MACROD2: variants seen among roughly 807,000 people sequenced by gnomAD.
The protein encoded by MACROD2 is mono-ADP ribosylhydrolase 2.
A neutral mutation model predicts 70.4 loss-of-function variants in MACROD2; 36 were observed. The observed-to-expected ratio is 0.51, with a 90% CI of 0.39 to 0.68. MACROD2 has a LOEUF of 0.68. Ranked by LOEUF, MACROD2 falls within the 30% of genes least tolerant of loss-of-function variation. The probability of loss-of-function intolerance (pLI) is 0.00; values close to 1 mark genes in which losing one functional copy is unlikely to be tolerated. For synonymous variants in MACROD2, 172 were observed against 178.8 expected, an observed-to-expected ratio of 0.96 and a Z score of 0.30; for missense variants, 496 against 538.4, an observed-to-expected ratio of 0.92 and a Z score of 0.78.
intron 6 of MACROD2, among the ~76,000 whole-genome samples, chr20:15,280,100 C>T (rs896003968): frequency 6.6e-6 from 1 of 152,168 alleles, no homozygotes; most frequent in Non-Finnish European, 1.5e-5. Context: ...TAAAATGTGT[C>T]AGTGTTAACT....
At chr20:15,623,717 T>TATCG (rs745485042) in intron 8 of MACROD2, among the ~76,000 whole-genome samples, 2 of 150,482 alleles carry the variant, frequency 1.3e-5, no homozygotes, top group Admixed American at 6.6e-5. Context: ...TCTATCTATC[T>TATCG]ATCGATGTGT....
intron 6 of MACROD2, among the ~76,000 whole-genome samples, chr20:15,357,798 C>CTTT (rs200860242): frequency 1.5e-4 from 21 of 135,698 alleles, no homozygotes; most frequent in African/African-American, 2.8e-4. Context: ...TTCATTCATT[C>CTTT]TTTTTTTTTT....
intron 3 of MACROD2, among the ~76,000 whole-genome samples, chr20:14,442,865 A>G (rs941874821): frequency 6.6e-6 from 1 of 152,088 alleles, no homozygotes; most frequent in African/African-American, 2.4e-5. Context: ...TCATGAGGTC[A>G]GGAGATCGAG....
At chr20:14,421,646 C>T (rs191714764) in intron 3 of MACROD2, among the ~76,000 whole-genome samples, 29 of 152,074 alleles carry the variant, frequency 1.9e-4, no homozygotes, top group African/African-American at 6.5e-4. Context: ...TTTATTTTGT[C>T]ATTTATTATT....
chr20:14,079,753 G>A (rs2053964980), intron 2 of MACROD2, among the ~76,000 whole-genome samples: 1 of 152,206 alleles, frequency 6.6e-6, no homozygotes, highest in Non-Finnish European at 1.5e-5. Context: ...GATACGTCCA[G>A]ACAGTTTTAA....
chr20:15,063,237 A>G (rs777771876), intron 5 of MACROD2, among the ~76,000 whole-genome samples: 1 of 152,162 alleles, frequency 6.6e-6, no homozygotes, highest in Non-Finnish European at 1.5e-5. Flanking sequence ...GGGAACTGCA[A>G]ATTGCAATGT....
intron 5 of MACROD2, among the ~76,000 whole-genome samples, chr20:15,112,552 A>G (rs1307687134): frequency 6.6e-6 from 1 of 152,192 alleles, no homozygotes; most frequent in Non-Finnish European, 1.5e-5. Flanking sequence ...GTGAGATCGT[A>G]CAACTAAGAA....
intron 5 of MACROD2, among the ~76,000 whole-genome samples, chr20:14,943,225 G>A (rs1284233441): frequency 6.6e-6 from 1 of 152,078 alleles, no homozygotes; most frequent in Non-Finnish European, 1.5e-5. Context: ...AGAGAGACAG[G>A]GTTGCAGGCA....
intron 5 of MACROD2, among the ~76,000 whole-genome samples, chr20:15,182,246 A>G (rs2076505814): frequency 6.6e-6 from 1 of 152,164 alleles, no homozygotes; most frequent in South Asian, 2.1e-4. Context: ...GGGGGATAAG[A>G]ATAGTGGAGA....
intron 5 of MACROD2, among the ~76,000 whole-genome samples, chr20:14,806,523 C>T (rs112120498): frequency 6.6e-6 from 1 of 152,040 alleles, no homozygotes; most frequent in African/African-American, 2.4e-5. Flanking sequence ...TGTTTGGGCA[C>T]ACATCAAGCT....
chr20:14,727,588 T>A (rs576004685), intron 5 of MACROD2, among the ~76,000 whole-genome samples: 1 of 152,208 alleles, frequency 6.6e-6, no homozygotes, highest in African/African-American at 2.4e-5. Flanking sequence ...ACTTTATCAC[T>A]CCCCAAATGT....
chr20:15,064,913 A>G (rs1485724423), intron 5 of MACROD2, among the ~76,000 whole-genome samples: 1 of 152,244 alleles, frequency 6.6e-6, no homozygotes, highest in Non-Finnish European at 1.5e-5. Flanking sequence ...AAGTGTGAGC[A>G]CAGATCTTGA....
chr20:15,214,099 C>T (rs1304391006), intron 5 of MACROD2, among the ~76,000 whole-genome samples: 1 of 152,124 alleles, frequency 6.6e-6, no homozygotes, highest in East Asian at 1.9e-4. Context: ...TTTCCAGCTT[C>T]TGTGCTTTCT....
At chr20:15,855,853 G>T (rs528613131) in intron 8 of MACROD2, among the ~76,000 whole-genome samples, 1 of 152,056 alleles carries the variant, frequency 6.6e-6, no homozygotes, top group East Asian at 1.9e-4. Flanking sequence ...ATTTTGTATG[G>T]TTATAAATTT....
intron 5 of MACROD2, among the ~76,000 whole-genome samples, chr20:14,696,800 A>G (rs1191671339): frequency 6.6e-6 from 1 of 152,092 alleles, no homozygotes; most frequent in East Asian, 1.9e-4. Context: ...CTCTCTTGGG[A>G]ATCCCTTTCT....
chr20:14,684,787 C>A, intron 4 of MACROD2, 56 bp from the exon 5 acceptor site: 2 of 1,410,676 alleles, frequency 1.4e-6, no homozygotes, highest in East Asian at 4.6e-5. Flanking sequence ...CCATCTTGAG[C>A]TTTATATTTA....
At chr20:14,957,129 A>C (rs920767279) in intron 5 of MACROD2, among the ~76,000 whole-genome samples, 1 of 149,674 alleles carries the variant, frequency 6.7e-6, no homozygotes, top group Non-Finnish European at 1.5e-5. Flanking sequence ...TGCTGAAGTG[A>C]GCACACAATT....
At chr20:14,295,399 C>T (rs1173058407) in intron 3 of MACROD2, among the ~76,000 whole-genome samples, 1 of 151,830 alleles carries the variant, frequency 6.6e-6, no homozygotes, top group Non-Finnish European at 1.5e-5. Flanking sequence ...TAAGGCCGGC[C>T]CAACAATTGT....
intron 8 of MACROD2, among the ~76,000 whole-genome samples, chr20:15,596,268 G>A (rs1276428754): frequency 4.6e-5 from 7 of 152,196 alleles, no homozygotes; most frequent in Non-Finnish European, 2.9e-5. Context: ...GAAGATGACT[G>A]AGCAAAGAGC....
Sources: allele counts gnomAD v4.1 joint callset (sites outside exome capture counted in the v4.1 genomes callset), GRCh38; gene constraint gnomAD v4.1.1; transcripts MANE v1.5; gene names NCBI Gene and HGNC (gene_info 2026-07-23, HGNC 2026-07-21).